GABRR2: variants seen among roughly 807,000 people sequenced by gnomAD.
The protein encoded by GABRR2 is gamma-aminobutyric acid type A receptor subunit rho2, also known as gamma-aminobutyric acid receptor subunit rho-2.
Under a neutral mutation model 47.0 loss-of-function variants are expected in GABRR2, and 36 were observed. That is an observed-to-expected ratio of 0.77 (90% confidence interval 0.59 to 1.01). The LOEUF (loss-of-function observed/expected upper bound fraction) is 1.01, where lower values mean the gene tolerates loss of function less well. GABRR2 is among the 50% of genes least tolerant of loss of function. The pLI is 0.00. For synonymous variants in GABRR2, 204 were observed against 227.5 expected (o/e 0.90, Z 0.93); for missense variants, 587 against 594.6 (o/e 0.99, Z 0.13).
At position 89,270,212 on chromosome 6, in the gene GABRR2, C is replaced by T. The variant is rs565476393; in HGVS notation, c.289-978G>A. 1.1e-4 allele frequency among the ~76,000 whole-genome samples: 17 copies of T among 152,356 alleles called. No individual in the cohort carries two copies. In the South Asian group the frequency reaches 3.5e-3, roughly 32 times the overall value. The stretch of plus-strand genomic sequence containing the variant: ...GCCAAATGCCCCTTCTGGCTATTTC[C>T]CTTCTCGGTCACAAAGCTGAAGAGC... On this transcript the variant is annotated intron_variant, in intron 3 of 8. Transcript: ENST00000402938.
At chr6:89,291,531 C>A (rs999468454) in intron 2 of GABRR2, among the ~76,000 whole-genome samples, 1 of 151,950 alleles carries the variant, frequency 6.6e-6, no homozygotes, top group Admixed American at 6.6e-5. Context: ...CTCCCTGACA[C>A]TTCGCTGCTT....
At chr6:89,298,433 C>T (rs1774593971) in intron 2 of GABRR2, among the ~76,000 whole-genome samples, 1 of 152,208 alleles carries the variant, frequency 6.6e-6, no homozygotes, top group Non-Finnish European at 1.5e-5. Context: ...GGATTACTCT[C>T]CCCATTTTAT....
intron 7 of GABRR2, 50 bp from the exon 8 acceptor site, chr6:89,264,658 C>T (rs1228042842): frequency 1.9e-6 from 3 of 1,594,248 alleles, no homozygotes; most frequent in African/African-American, 1.3e-5. Flanking sequence ...TAGAACTGCC[C>T]TCATATCTCA....
chr6:89,278,635 T>A (rs1774206745), intron 2 of GABRR2, among the ~76,000 whole-genome samples: 1 of 152,134 alleles, frequency 6.6e-6, no homozygotes, highest in Non-Finnish European at 1.5e-5. Context: ...GGTTGTGGGG[T>A]CCCCACAGTG....
At chr6:89,312,906 C>A (rs560727156) in intron 1 of GABRR2, among the ~76,000 whole-genome samples, 3 of 152,334 alleles carry the variant, frequency 2.0e-5, no homozygotes, top group African/African-American at 7.2e-5. Flanking sequence ...CTCCTCCCCA[C>A]TAAGAGTCAG....
At chr6:89,259,757 G>A (rs1252810420) in intron 8 of GABRR2, among the ~76,000 whole-genome samples, 1 of 151,974 alleles carries the variant, frequency 6.6e-6, no homozygotes, top group Non-Finnish European at 1.5e-5. Flanking sequence ...GCCTGCCTAG[G>A]CCTCCTGAAG....
At chr6:89,274,248 T>C (rs1774114910) in intron 2 of GABRR2, among the ~76,000 whole-genome samples, 1 of 152,154 alleles carries the variant, frequency 6.6e-6, no homozygotes, top group Non-Finnish European at 1.5e-5. Flanking sequence ...AGGAAAACAA[T>C]CTTTCTATTC....
chr6:89,304,823 G>A (rs991038538), intron 1 of GABRR2, among the ~76,000 whole-genome samples: 6 of 152,088 alleles, frequency 3.9e-5, no homozygotes, highest in African/African-American at 7.2e-5. Context: ...AAAAGAGAAC[G>A]TTTATACACT....
In GABRR2 at chr6:89,257,653, GA is replaced by G; in HGVS notation, c.*16del. ...CCTCGATGTCTATGCCCTCTTCTAGGAACAGCCTTGGAGCCCCTAGGAAAAC... is the reference window on the plus strand; with the variant it reads ...CCTCGATGTCTATGCCCTCTTCTAGGACAGCCTTGGAGCCCCTAGGAAAAC... On this transcript the variant is annotated 3_prime_UTR_variant, in exon 9 of 9. Coordinates refer to ENST00000402938, the MANE Select transcript of GABRR2 (RefSeq NM_002043.5). 1 of 1,595,924 alleles carries G rather than the reference GA, an allele frequency of 6.3e-7. No individual in the cohort carries two copies. Among genetic ancestry groups the G allele is most frequent in the Non-Finnish European group, 8.6e-7 (1 of 1,169,188 alleles).
intron 2 of GABRR2, among the ~76,000 whole-genome samples, chr6:89,293,457 T>C (rs1774503712): frequency 6.6e-6 from 1 of 152,100 alleles, no homozygotes; most frequent in South Asian, 2.1e-4. Context: ...GTCAATTTTA[T>C]ATTATATATT....
At chr6:89,304,822 C>T (rs527462243) in intron 1 of GABRR2, among the ~76,000 whole-genome samples, 9 of 152,180 alleles carry the variant, frequency 5.9e-5, no homozygotes, top group South Asian at 2.1e-4. Flanking sequence ...GAAAAGAGAA[C>T]GTTTATACAC....
chr6:89,267,571 C>T, intron 6 of GABRR2, 108 bp downstream of exon 6: 2 of 1,195,842 alleles, frequency 1.7e-6, no homozygotes, highest in Non-Finnish European at 2.3e-6. Context: ...TGTCTCAAAA[C>T]AAAAAACAAA....
chr6:89,260,255 T>C (rs1391621481), intron 8 of GABRR2, among the ~76,000 whole-genome samples: 2 of 152,144 alleles, frequency 1.3e-5, no homozygotes, highest in Non-Finnish European at 2.9e-5. Flanking sequence ...ACTGATAAAA[T>C]TGTGTGATAT....
intron 1 of GABRR2, among the ~76,000 whole-genome samples, chr6:89,304,135 C>T (rs1032679720): frequency 5.9e-5 from 9 of 151,590 alleles, no homozygotes; most frequent in African/African-American, 2.2e-4. Flanking sequence ...AGCTTCTGCA[C>T]AAAAAAAGTA....
chr6:89,283,745 G>C (rs914179750), intron 2 of GABRR2, among the ~76,000 whole-genome samples: 2 of 152,206 alleles, frequency 1.3e-5, no homozygotes, highest in Non-Finnish European at 2.9e-5. Flanking sequence ...AGGAGGGACA[G>C]CGTTTGGAAC....
intron 1 of GABRR2, among the ~76,000 whole-genome samples, chr6:89,308,684 A>T (rs780028778): frequency 8.5e-5 from 13 of 152,126 alleles, no homozygotes; most frequent in Non-Finnish European, 1.8e-4. Flanking sequence ...AGGGCTCAGG[A>T]ACAACCTGCT....
At chr6:89,301,278 G>T (rs1238691187) in intron 1 of GABRR2, among the ~76,000 whole-genome samples, 1 of 151,954 alleles carries the variant, frequency 6.6e-6, no homozygotes, top group East Asian at 1.9e-4. Context: ...ATACTAAATG[G>T]GCAAATGCTG....
intron 2 of GABRR2, among the ~76,000 whole-genome samples, chr6:89,281,271 A>G (rs1774251793): frequency 1.3e-5 from 2 of 152,252 alleles, no homozygotes; most frequent in African/African-American, 4.8e-5. Context: ...ACTCTGTTTC[A>G]GGACACATCA....
intron 1 of GABRR2, among the ~76,000 whole-genome samples, chr6:89,314,002 C>G (rs1006239344): frequency 2.8e-4 from 42 of 148,522 alleles, no homozygotes; most frequent in African/African-American, 9.9e-4. Flanking sequence ...GAGGCTGTAA[C>G]TCTTATTTAT....
Sources: gnomAD v4.1 joint callset for allele counts (sites outside exome capture counted in the v4.1 genomes callset) on GRCh38, gnomAD v4.1.1 for gene constraint, MANE v1.5 for transcripts, NCBI Gene and HGNC (gene_info 2026-07-23, HGNC 2026-07-21) for gene names.